Variants in AP3D1 observed in about 807,000 individuals in gnomAD.
AP3D1 encodes the protein adaptor related protein complex 3 subunit delta 1, also known as AP-3 complex subunit delta-1.
A neutral mutation model predicts 147.6 loss-of-function variants in AP3D1; 51 were observed. The ratio of observed to expected loss-of-function variants is 0.35; its 90% CI spans 0.28 to 0.44. The LOEUF is 0.44. AP3D1 is among the 20% of genes least tolerant of loss of function. AP3D1 has a pLI of 1.00. For missense variants in AP3D1, 1,421 were observed against 1,624.2 expected, an observed-to-expected ratio of 0.87 and a Z score of 2.15; for synonymous variants, 760 against 663.0, an observed-to-expected ratio of 1.15 and a Z score of -2.25.
chr19:2,103,010 G>C (rs1437381661), intron 31 of AP3D1, among the ~76,000 whole-genome samples: 4 of 151,998 alleles, frequency 2.6e-5, no homozygotes, highest in Non-Finnish European at 4.4e-5. Flanking sequence ...TGTGGTCCCA[G>C]CTATGCGGGA....
intron 31 of AP3D1, among the ~76,000 whole-genome samples, chr19:2,102,756 T>C (rs2017992918): frequency 7.1e-6 from 1 of 141,838 alleles, no homozygotes; most frequent in Non-Finnish European, 1.5e-5. Flanking sequence ...AATAAATAAA[T>C]AAATAAATAA....
chr19:2,147,959 G>A (rs1348621728), intron 1 of AP3D1, among the ~76,000 whole-genome samples: 2 of 151,514 alleles, frequency 1.3e-5, no homozygotes, highest in Non-Finnish European at 2.9e-5. Context: ...CGAGGCGGGA[G>A]GATCACGAGG....
intron 24 of AP3D1, chr19:2,112,098 A>T: frequency 1.9e-6 from 1 of 525,662 alleles, no homozygotes; most frequent in South Asian, 2.2e-5. Context: ...AGGGCAAACC[A>T]GTGAGGACAC....
At chr19:2,119,815 G>A (rs1308477732) in intron 14 of AP3D1, among the ~76,000 whole-genome samples, 1 of 151,886 alleles carries the variant, frequency 6.6e-6, no homozygotes, top group Non-Finnish European at 1.5e-5. Context: ...GGTGGCAGGT[G>A]CCTGTAATCC....
intron 1 of AP3D1, among the ~76,000 whole-genome samples, chr19:2,149,216 G>A (rs75138150): frequency 0.04 from 6,122 of 152,160 alleles, 195 homozygotes; most frequent in East Asian, 0.14. Context: ...CAATGAGGAA[G>A]CCTGGGACTT....
chr19:2,121,677 T>TA (rs961178673), intron 12 of AP3D1, 57 bp downstream of exon 12: 1 of 1,522,604 alleles, frequency 6.6e-7, no homozygotes, highest in Non-Finnish European at 8.8e-7. Flanking sequence ...ACCTGACACT[T>TA]AATGTCCCTT....
chr19:2,103,333 G>A (rs562032704), intron 31 of AP3D1, among the ~76,000 whole-genome samples: 1 of 152,288 alleles, frequency 6.6e-6, no homozygotes, highest in Non-Finnish European at 1.5e-5. Context: ...AGGGCCCTGA[G>A]GCAGCCAGAG....
chr19:2,164,183 A>C (rs2144620004), intron 1 of AP3D1: 32 of 1,125,798 alleles, frequency 2.8e-5, no homozygotes, highest in East Asian at 2.0e-4. Context: ...GCGCGCGCGG[A>C]CATGGGGGAG....
chr19:2,112,853 G>C lies in AP3D1; in HGVS notation c.2787+7C>G. 6.2e-7 allele frequency: 1 copy of C among 1,605,580 alleles called. No homozygotes were observed. Among genetic ancestry groups the C allele is most frequent in the South Asian group, 1.1e-5 (1 of 90,022 alleles). Reference sequence around the variant, plus strand: ...CTCCACAGCCCCTGGGGGAGTGACAGCCTCACCTTGTCCTGGTCTTGCCCC... The same window carrying C: ...CTCCACAGCCCCTGGGGGAGTGACACCCTCACCTTGTCCTGGTCTTGCCCC... On this transcript the variant is annotated splice_region_variant and intron_variant, in intron 24 of 31. Transcript: ENST00000643116.
intron 31 of AP3D1, 140 bp from the exon 32 acceptor site, chr19:2,102,408 A>G: frequency 1.5e-6 from 1 of 667,152 alleles, no homozygotes; most frequent in Non-Finnish European, 2.6e-6. Context: ...AGCCTGGTCA[A>G]CACGGTGAAA....
chr19:2,162,752 C>T (rs1472056666), intron 1 of AP3D1, among the ~76,000 whole-genome samples: 1 of 151,956 alleles, frequency 6.6e-6, no homozygotes, highest in Admixed American at 6.6e-5. Context: ...TCACCAGGGG[C>T]TGTGGCAGTG....
chr19:2,122,077 C>T (rs888098166), intron 11 of AP3D1, among the ~76,000 whole-genome samples, 198 bp from the exon 12 acceptor site: 2 of 152,172 alleles, frequency 1.3e-5, no homozygotes, highest in Admixed American at 6.5e-5. Flanking sequence ...CCCTGGGAGC[C>T]GGGGTGCAGG....
intron 1 of AP3D1, among the ~76,000 whole-genome samples, chr19:2,138,958 G>T (rs1253753047): frequency 2.0e-5 from 3 of 149,848 alleles, no homozygotes; most frequent in African/African-American, 4.9e-5. Context: ...TACTCAGGAG[G>T]CTAAGGCAGG....
chr19:2,118,678 C>G lies in AP3D1; in HGVS notation c.1636G>C (p.Ala546Pro). 6.2e-7 allele frequency: 1 copy of G among 1,613,116 alleles called. No homozygotes were observed. The highest frequency in any genetic ancestry group is 8.5e-7 in the Non-Finnish European group (1 of 1,180,004). ...ACCATGAGCTGGGTGACGGCCTGAG[C>G]GCCCTCTGCCTCCCCGGCCTGCTCC... is the stretch of plus-strand genomic sequence containing the variant. ...QKEQAGEAEG[A>P]QAVTQLMVDR... Residue 546 changes from alanine (A) to proline (P), a missense_variant, in exon 15 of 32, where the codon GCT becomes CCT. Physicochemically the swap from Ala to Pro is conservative, Grantham distance 27. This residue lies in a region of AP3D1 where 310 missense variants were observed against 388.1 expected (regional missense o/e 0.80). Transcript: ENST00000643116.
intron 14 of AP3D1, among the ~76,000 whole-genome samples, chr19:2,119,813 G>A (rs2018560915): frequency 6.6e-6 from 1 of 151,878 alleles, no homozygotes; most frequent in African/African-American, 2.4e-5. Context: ...TTGGTGGCAG[G>A]TGCCTGTAAT....
Position 2,116,187 on chromosome 19 carries a change from C to G in AP3D1, c.2073+20G>C. The G allele has an allele frequency of 6.2e-7, 1 of 1,613,544 alleles. No individual in the cohort carries two copies. The highest frequency in any genetic ancestry group is 1.3e-5 in the African/African-American group (1 of 75,038). ...AGGGTAGAGGGTGCTGAGGGACAGG[C>G]ACCCGGGGACGGGCCTCACCTTCTG... On this transcript the variant is annotated intron_variant, in intron 18 of 31. Coordinates refer to ENST00000643116, the MANE Select transcript of AP3D1 (RefSeq NM_001261826.3).
At chr19:2,132,404 A>G (rs2018974427) in intron 5 of AP3D1, 67 bp downstream of exon 5, 6 of 1,442,318 alleles carry the variant, frequency 4.2e-6, no homozygotes, top group Non-Finnish European at 5.8e-6. Context: ...CTTCCCAGGC[A>G]TGCCACTTTG....
intron 1 of AP3D1, among the ~76,000 whole-genome samples, chr19:2,158,639 C>CT (rs2019668902): frequency 6.6e-6 from 1 of 150,394 alleles, no homozygotes; most frequent in African/African-American, 2.5e-5. Flanking sequence ...GAGATTCGCT[C>CT]TTGTCACCCA....
chr19:2,124,022 C>A lies in AP3D1; in HGVS notation c.857-143G>T. On this transcript the variant is annotated intron_variant, in intron 9 of 31. Coordinates refer to ENST00000643116, the MANE Select transcript of AP3D1 (RefSeq NM_001261826.3). ...AAATGCCACTGAGTTTGGGACCACG[C>A]AGCCCAACTGTGTTTGCAAAAACCT... The A allele has an allele frequency of 8.3e-6, 8 of 962,452 alleles. No homozygotes were observed. The Admixed American group carries it at 1.4e-4, about 17-fold the overall frequency. 59.6% of individuals were successfully genotyped at this position (962,452 alleles called of 1,614,324 possible).
Sources: allele counts gnomAD v4.1 joint callset (sites outside exome capture counted in the v4.1 genomes callset), GRCh38; gene constraint gnomAD v4.1.1; regional missense constraint gnomAD v4.1.1; transcripts MANE v1.5; gene names NCBI Gene and HGNC (gene_info 2026-07-23, HGNC 2026-07-21).